UBE2G2: variants seen among roughly 807,000 people sequenced by gnomAD.
UBE2G2 encodes the protein ubiquitin conjugating enzyme E2 G2.
In UBE2G2, 10 loss-of-function variants were observed where a neutral mutation model predicts 23.0. That is an observed-to-expected ratio of 0.43 (90% CI 0.27 to 0.74). The LOEUF is 0.74. Among genes scored for constraint, UBE2G2 ranks in the 30% least tolerant of loss-of-function variants. The pLI, the probability that UBE2G2 is intolerant of heterozygous loss-of-function variation, is 0.19. For missense variants in UBE2G2, 150 were observed against 218.3 expected (o/e 0.69, Z 1.97); for synonymous variants, 86 against 81.3 (o/e 1.06, Z -0.31).
intron 1 of UBE2G2, chr21:44,801,311 C>T (rs1555964728): frequency 1.9e-6 from 2 of 1,037,026 alleles, no homozygotes; most frequent in Non-Finnish European, 2.3e-6. Context: ...ACGAGCCTTT[C>T]CCCTTTTAAC....
chr21:44,771,453 G>A lies in UBE2G2; in HGVS notation c.422C>T (p.Ser141Phe). The change falls in exon 6 of 6, where the codon TCC becomes TTC. Residue 141 changes from serine (S) to phenylalanine (F), a missense_variant. By Grantham distance (155) the Ser-to-Phe change is radical (BLOSUM62 -2). Coordinates refer to ENST00000345496, the MANE Select transcript of UBE2G2 (RefSeq NM_003343.6). The surrounding 1 kb of genome is among the most constrained non-coding windows in gnomAD (Gnocchi z 4.6). The stretch of plus-strand genomic sequence containing the variant: ...CTCCCGGTCATCGCGCCACATTTTG[G>A]ACGCATCCACGTTAGCTCCACTTTC... ...NDESGANVDA[S>F]KMWRDDREQF... is the part of the protein sequence containing the mutation. 1 of 1,612,770 alleles carries A rather than the reference G, an allele frequency of 6.2e-7. No homozygotes were observed. Among genetic ancestry groups the A allele is most frequent in the Non-Finnish European group, 8.5e-7 (1 of 1,180,038 alleles).
chr21:44,796,070 C>T (rs573330940), intron 1 of UBE2G2, among the ~76,000 whole-genome samples: 32 of 152,192 alleles, frequency 2.1e-4, no homozygotes, highest in Non-Finnish European at 4.1e-4. Flanking sequence ...GCCTCCAGAA[C>T]AGTAAAAGAA....
intron 1 of UBE2G2, among the ~76,000 whole-genome samples, chr21:44,794,537 G>GT (rs34142774): frequency 0.1 from 13,866 of 136,392 alleles, 749 homozygotes; most frequent in South Asian, 0.14. Context: ...TTCTTTTTTT[G>GT]TTTTTTTTTT....
intron 3 of UBE2G2, 76 bp downstream of exon 3, chr21:44,787,844 G>C (rs1475708835): frequency 6.6e-7 from 1 of 1,523,624 alleles, no homozygotes; most frequent in African/African-American, 1.4e-5. Flanking sequence ...TTTGGACACA[G>C]TCACACTGCT....
At chr21:44,798,705 T>C (rs1468479487) in intron 1 of UBE2G2, among the ~76,000 whole-genome samples, 1 of 152,202 alleles carries the variant, frequency 6.6e-6, no homozygotes, top group African/African-American at 2.4e-5. Context: ...TCCCTTGCCA[T>C]TTCTACCACA....
rs111269790 is a variant in UBE2G2, at chr21:44,801,293, C to A, written c.43+413G>T. ...AAAGCCAAAATCTGACCTTTCAAAG[C>A]TCCACCAACGAGCCTTTCCCCTTTT... On this transcript the variant is annotated intron_variant, in intron 1 of 5. Transcript: ENST00000345496. 6.1e-3 allele frequency: 6,193 copies of A among 1,018,604 alleles called. 11 individuals carry two copies. The highest frequency in any genetic ancestry group is 7.0e-3 in the Non-Finnish European group (5,964 of 852,020). 63.1% of individuals were successfully genotyped at this position (1,018,604 alleles called of 1,614,324 possible). A position where few individuals can be genotyped will look rare whatever the true frequency, so the allele number is the denominator to read the frequency against.
In UBE2G2 at chr21:44,771,379, A is replaced by C; in HGVS notation, c.496T>G (p.Ter166GlyextTer22). 1 of 1,612,618 alleles carries C rather than the reference A, an allele frequency of 6.2e-7. No homozygotes were observed. The highest frequency in any genetic ancestry group is 1.1e-5 in the South Asian group (1 of 91,088). Reference protein sequence around the residue: ...KQIVQKSLGL* With the variant: ...KQIVQKSLGLG ...GCGCGCCTGTGCGAGGCCAGGTCTC[A>C]CAGTCCCAGAGACTTCTGGACGATC... The change falls in exon 6 of 6, where the codon TGA becomes GGA. Residue 166 changes from the stop codon to glycine, a stop_lost. Transcript: ENST00000345496. This position sits in a 1 kb window ranked among gnomAD's most constrained non-coding sequence, Gnocchi z 4.6.
In UBE2G2 at chr21:44,795,196, G is replaced by A. The variant is rs1195441301; in HGVS notation, c.43+6510C>T. Among the ~76,000 whole-genome samples, 4 of 152,180 alleles carry A rather than the reference G, an allele frequency of 2.6e-5. No homozygotes were observed. The South Asian group carries it at 6.2e-4, about 24-fold the overall frequency. On this transcript the variant is annotated intron_variant, in intron 1 of 5. Coordinates refer to ENST00000345496, the MANE Select transcript of UBE2G2 (RefSeq NM_003343.6). Reference sequence around the variant, plus strand: ...GAGAATTACTTGAAGCCAGGAGGCAGATGTTGCAGTGAGCTGAGATCATGC... The same window carrying A: ...GAGAATTACTTGAAGCCAGGAGGCAAATGTTGCAGTGAGCTGAGATCATGC...
chr21:44,798,231 T>C (rs2083109086), intron 1 of UBE2G2, among the ~76,000 whole-genome samples: 1 of 152,242 alleles, frequency 6.6e-6, no homozygotes, highest in Admixed American at 6.5e-5. Context: ...CTAACAATCA[T>C]ATGAGCCTTC....
intron 1 of UBE2G2, among the ~76,000 whole-genome samples, chr21:44,794,636 G>A (rs1476932981): frequency 3.3e-5 from 5 of 150,440 alleles, no homozygotes; most frequent in African/African-American, 1.2e-4. Context: ...CCAAGTTCAC[G>A]CCATTCTCCT....
At chr21:44,795,789 C>A (rs2083083884) in intron 1 of UBE2G2, among the ~76,000 whole-genome samples, 1 of 152,086 alleles carries the variant, frequency 6.6e-6, no homozygotes. Flanking sequence ...TAAACACACA[C>A]TTCCCATTAT....
chr21:44,791,982 G>A (rs551910976), intron 1 of UBE2G2, among the ~76,000 whole-genome samples: 1 of 152,364 alleles, frequency 6.6e-6, no homozygotes, highest in Admixed American at 6.5e-5. Context: ...ACCATTTTGA[G>A]CTTTAAGATT....
rs1323902653 is a variant in UBE2G2 at position 44,770,094 on chromosome 21, C to T, written c.*1283G>A. On this transcript the variant is annotated 3_prime_UTR_variant, in exon 6 of 6. Transcript: ENST00000345496. ...GCCCAGGGGCCCACATGCCCACCTC[C>T]ACAGCCCAGTCAAGTGTGGGGATAA... The T allele has an allele frequency of 6.6e-6, 1 of 152,226 alleles. No homozygotes were observed. The highest frequency in any genetic ancestry group is 1.5e-5 in the Non-Finnish European group (1 of 68,046). 9.4% of individuals were successfully genotyped at this position (152,226 alleles called of 1,614,324 possible).
chr21:44,789,849 T>G (rs73370579), intron 1 of UBE2G2, among the ~76,000 whole-genome samples: 2,205 of 152,130 alleles, frequency 0.014, 52 homozygotes, highest in African/African-American at 0.05. Context: ...AGGGCAGAAC[T>G]CTCATGAATG....
intron 1 of UBE2G2, chr21:44,800,357 C>G (rs2083125404): frequency 6.6e-6 from 1 of 151,542 alleles, no homozygotes; most frequent in South Asian, 2.1e-4. Flanking sequence ...TCCATGGATT[C>G]GACCAACCAG....
At chr21:44,797,456 CCTGTA>C (rs1390069511) in intron 1 of UBE2G2, among the ~76,000 whole-genome samples, 2 of 152,144 alleles carry the variant, frequency 1.3e-5, no homozygotes, top group African/African-American at 4.8e-5. Flanking sequence ...GTGGCTCACG[CCTGTA>C]ATCCCAGCAC....
chr21:44,782,631 C>A (rs1366562443), intron 3 of UBE2G2, among the ~76,000 whole-genome samples: 1 of 152,204 alleles, frequency 6.6e-6, no homozygotes, highest in Non-Finnish European at 1.5e-5. Flanking sequence ...AAAAATAAAT[C>A]CTTGCATTTA....
intron 1 of UBE2G2, among the ~76,000 whole-genome samples, chr21:44,794,905 A>G (rs1211210455): frequency 1.1e-4 from 16 of 152,224 alleles, no homozygotes; most frequent in Admixed American, 9.8e-4. Flanking sequence ...ATCTAAAAAG[A>G]CATATGGATG....
intron 3 of UBE2G2, among the ~76,000 whole-genome samples, chr21:44,777,820 AAAATAAAAAT>A (rs1266039338): frequency 1.3e-5 from 2 of 152,196 alleles, no homozygotes; most frequent in African/African-American, 4.8e-5. Flanking sequence ...AAAATAAACA[AAAATAAAAAT>A]AAATAATAAA....
Sources: allele counts gnomAD v4.1 joint callset (sites outside exome capture counted in the v4.1 genomes callset), GRCh38; gene constraint gnomAD v4.1.1; non-coding constraint Gnocchi (gnomAD v3.1); transcripts MANE v1.5; gene names NCBI Gene and HGNC (gene_info 2026-07-23, HGNC 2026-07-21).